The following KIRREL3 variants were observed in gnomAD, a reference collection of about 807,000 sequenced individuals.
The protein encoded by KIRREL3 is kirre like nephrin family adhesion molecule 3, also known as kin of IRRE-like protein 3.
KIRREL3 carries 36 observed loss-of-function variants against 89.7 expected under a neutral mutation model. The ratio of observed to expected loss-of-function variants is 0.40; its 90% CI spans 0.31 to 0.53. KIRREL3 has a LOEUF of 0.53. Ranked by LOEUF, KIRREL3 falls within the 20% of genes least tolerant of loss-of-function variation. The pLI, the probability that KIRREL3 is intolerant of heterozygous loss-of-function variation, is 0.49. For synonymous variants in KIRREL3, 445 were observed against 441.4 expected (o/e 1.01, Z -0.10); for missense variants, 864 against 1,056.6 (o/e 0.82, Z 2.53).
chr11:126,598,112 G>A (rs1470486650), intron 1 of KIRREL3, among the ~76,000 whole-genome samples: 1 of 152,256 alleles, frequency 6.6e-6, no homozygotes, highest in Non-Finnish European at 1.5e-5. Context: ...CTTGGCTCAC[G>A]CCAATGTCTG....
Position 126,687,137 on chromosome 11 carries a change from G to T in KIRREL3, c.56-124225C>A, listed in dbSNP as rs1328122219. 6.6e-6 allele frequency among the ~76,000 whole-genome samples: 1 copy of T among 152,160 alleles called. No homozygotes were observed. The highest frequency in any genetic ancestry group is 1.5e-5 in the Non-Finnish European group (1 of 68,028). On this transcript the variant is annotated intron_variant, in intron 1 of 16. Transcript: ENST00000525144. This position sits in a 1 kb window ranked among gnomAD's most constrained non-coding sequence, Gnocchi z 4.6. Reference sequence around the variant, plus strand: ...CAAGTTCATGAATGGGTGCATCAAAGAACCACACCCCAGAAATAAGCTAAG... The same window carrying T: ...CAAGTTCATGAATGGGTGCATCAAATAACCACACCCCAGAAATAAGCTAAG...
rs1190614457 is a variant in KIRREL3, at chr11:126,516,043, C to T, written c.433+5272G>A. On this transcript the variant is annotated intron_variant, in intron 4 of 16. Transcript: ENST00000525144. This position sits in a 1 kb window ranked among gnomAD's most constrained non-coding sequence, Gnocchi z 4.9. ...GCCAACGCGGTGGGCTGAGGAGGCCCTGCAGCTCTGCTGGTAGAGCTGTGG... is the reference window on the plus strand; with the variant it reads ...GCCAACGCGGTGGGCTGAGGAGGCCTTGCAGCTCTGCTGGTAGAGCTGTGG... Among the ~76,000 whole-genome samples, 1 of 152,154 alleles carries T rather than the reference C, an allele frequency of 6.6e-6. No homozygotes were observed. The highest frequency in any genetic ancestry group is 1.5e-5 in the Non-Finnish European group (1 of 68,040).
rs1944074423 is a variant in KIRREL3 at position 126,844,508 on chromosome 11, G to A, written c.55+155947C>T. On this transcript the variant is annotated intron_variant, in intron 1 of 16. Coordinates refer to ENST00000525144, the MANE Select transcript of KIRREL3 (RefSeq NM_032531.4). This position sits in a 1 kb window ranked among gnomAD's most constrained non-coding sequence, Gnocchi z 4.8. ...GGGTACCCAGATAAAGGATGGGATT[G>A]GGTTAGGGGCCCAACTTAGGGCAGT... 6.6e-6 allele frequency among the ~76,000 whole-genome samples: 1 copy of A among 152,140 alleles called. No individual in the cohort carries two copies. Among genetic ancestry groups the A allele is most frequent in the Non-Finnish European group, 1.5e-5 (1 of 68,022 alleles).
Position 126,424,865 on chromosome 11 carries a change from G to A in KIRREL3, c.2052C>T (p.Gly684=), listed in dbSNP as rs185844421. 17 of 1,613,922 alleles carry A rather than the reference G, an allele frequency of 1.1e-5. No homozygotes were observed. In the Middle Eastern group the frequency reaches 5.0e-4, roughly 47 times the overall value. The change falls in exon 17 of 17, where the codon GGC becomes GGT. Residue 684 remains glycine (G), a synonymous_variant. Transcript: ENST00000525144. The stretch of plus-strand genomic sequence containing the variant: ...GCCCGTAGTCGTAGAGGCGGCCCTG[G>A]CCGCTCAGGGTGCTGTAGATGTTGG... ...SFTNIYSTLS[G]QGRLYDYGQR... is the part of the protein sequence containing the mutation.
chr11:126,901,326 T>C (rs1312136740), intron 1 of KIRREL3, among the ~76,000 whole-genome samples: 1 of 152,318 alleles, frequency 6.6e-6, no homozygotes, highest in East Asian at 1.9e-4. Context: ...TTTTCTTTTC[T>C]GTTGAAGTAT....
At position 126,897,395 on chromosome 11, in the gene KIRREL3, C is replaced by T. The variant is rs1029203439; in HGVS notation, c.55+103060G>A. ...TAGAAAATGGAAAGCCTTCCCCAAG[C>T]GTTCTCTTATTTTGGGGAAAAAAAA... On this transcript the variant is annotated intron_variant, in intron 1 of 16. Coordinates refer to ENST00000525144, the MANE Select transcript of KIRREL3 (RefSeq NM_032531.4). This position sits in a 1 kb window ranked among gnomAD's most constrained non-coding sequence, Gnocchi z 4.2. Among the ~76,000 whole-genome samples the T allele has an allele frequency of 2.8e-4, 43 of 152,202 alleles. No individual in the cohort carries two copies. The highest frequency in any genetic ancestry group is 1.5e-4 in the Non-Finnish European group (10 of 68,026).
chr11:126,757,781 A>G (rs1949550991), intron 1 of KIRREL3, among the ~76,000 whole-genome samples: 1 of 152,238 alleles, frequency 6.6e-6, no homozygotes, highest in South Asian at 2.1e-4. Context: ...CCTGGAAATT[A>G]GCTCATATTC....
At chr11:126,913,575 G>A (rs1237297483) in intron 1 of KIRREL3, among the ~76,000 whole-genome samples, 1 of 152,216 alleles carries the variant, frequency 6.6e-6, no homozygotes, top group Non-Finnish European at 1.5e-5. Flanking sequence ...TGAAGAGGAA[G>A]GAGCTAAGAC....
intron 7 of KIRREL3, among the ~76,000 whole-genome samples, chr11:126,450,372 AGT>A (rs1237850490): frequency 4.8e-5 from 5 of 103,254 alleles, no homozygotes; most frequent in African/African-American, 2.0e-4. Flanking sequence ...TGCATGTGTG[AGT>A]GTGCATGTGT....
chr11:126,668,129 G>T lies in KIRREL3; in HGVS notation c.56-105217C>A, dbSNP rs1262197955. Among the ~76,000 whole-genome samples, 3 of 152,140 alleles carry T rather than the reference G, an allele frequency of 2.0e-5. No homozygotes were observed. The highest frequency in any genetic ancestry group is 7.2e-5 in the African/African-American group (3 of 41,440). On this transcript the variant is annotated intron_variant, in intron 1 of 16. Transcript: ENST00000525144. This position sits in a 1 kb window ranked among gnomAD's most constrained non-coding sequence, Gnocchi z 4.4. ...TAAACTGGGTGGTTTATAAACAACAGAAATTTATTTCTTACAGATCTAGAG... is the reference window on the plus strand; with the variant it reads ...TAAACTGGGTGGTTTATAAACAACATAAATTTATTTCTTACAGATCTAGAG...
In KIRREL3 at chr11:126,643,242, T is replaced by A. The variant is rs893628119; in HGVS notation, c.56-80330A>T. Among the ~76,000 whole-genome samples, 3 of 152,358 alleles carry A rather than the reference T, an allele frequency of 2.0e-5. No individual in the cohort carries two copies. The South Asian group carries it at 6.2e-4, about 32-fold the overall frequency. ...TTAACATGGGAATTAAAGAAGATAA[T>A]GCATATTAAAGTTCTTGGTACATAG... On this transcript the variant is annotated intron_variant, in intron 1 of 16. Coordinates refer to ENST00000525144, the MANE Select transcript of KIRREL3 (RefSeq NM_032531.4). This position sits in a 1 kb window ranked among gnomAD's most constrained non-coding sequence, Gnocchi z 4.5.
rs762245022 is a variant in KIRREL3, at chr11:126,948,700, A to C, written c.55+51755T>G. Reference sequence around the variant, plus strand: ...CCACCTCCTCAGGGAGTCTGCCTTGACTGGATGGAAATACAAGGTGACTGA... The same window carrying C: ...CCACCTCCTCAGGGAGTCTGCCTTGCCTGGATGGAAATACAAGGTGACTGA... On this transcript the variant is annotated intron_variant, in intron 1 of 16. Coordinates refer to ENST00000525144, the MANE Select transcript of KIRREL3 (RefSeq NM_032531.4). The surrounding 1 kb of genome is among the most constrained non-coding windows in gnomAD (Gnocchi z 4.5). 6.6e-6 allele frequency among the ~76,000 whole-genome samples: 1 copy of C among 152,200 alleles called. No individual in the cohort carries two copies. Among genetic ancestry groups the C allele is most frequent in the Non-Finnish European group, 1.5e-5 (1 of 68,032 alleles).
chr11:126,886,448 C>T (rs561259143), intron 1 of KIRREL3, among the ~76,000 whole-genome samples: 37 of 152,234 alleles, frequency 2.4e-4, no homozygotes, highest in Admixed American at 2.4e-3. Flanking sequence ...GGGCTCACTA[C>T]TTCTTGTCTG....
chr11:126,555,572 G>A lies in KIRREL3; in HGVS notation c.133+7263C>T, dbSNP rs1194400853. On this transcript the variant is annotated intron_variant, in intron 2 of 16. Coordinates refer to ENST00000525144, the MANE Select transcript of KIRREL3 (RefSeq NM_032531.4). This position sits in a 1 kb window ranked among gnomAD's most constrained non-coding sequence, Gnocchi z 4.2. ...GGATGGGGTGAGCGTGGCAAGCAGG[G>A]TAGACACAGGGAGCAGGGTAGACAC... 1.3e-5 allele frequency among the ~76,000 whole-genome samples: 2 copies of A among 152,042 alleles called. No homozygotes were observed. The highest frequency in any genetic ancestry group is 2.9e-5 in the Non-Finnish European group (2 of 68,018).
intron 1 of KIRREL3, among the ~76,000 whole-genome samples, chr11:126,855,986 C>T (rs893006772): frequency 6.6e-6 from 1 of 152,190 alleles, no homozygotes; most frequent in African/African-American, 2.4e-5. Context: ...TTGAAAAGGA[C>T]ACTGGAGAGC....
At position 126,719,711 on chromosome 11, in the gene KIRREL3, G is replaced by A. The variant is rs1362181425; in HGVS notation, c.56-156799C>T. Reference sequence around the variant, plus strand: ...CACAACCTTAGAAGTCATCCCTGATGCCTTTCTCTAATACTTTATCTTTCA... The same window carrying A: ...CACAACCTTAGAAGTCATCCCTGATACCTTTCTCTAATACTTTATCTTTCA... On this transcript the variant is annotated intron_variant, in intron 1 of 16. Coordinates refer to ENST00000525144, the MANE Select transcript of KIRREL3 (RefSeq NM_032531.4). The surrounding 1 kb of genome is among the most constrained non-coding windows in gnomAD (Gnocchi z 4.7). 2.0e-5 allele frequency among the ~76,000 whole-genome samples: 3 copies of A among 152,130 alleles called. No individual in the cohort carries two copies. The highest frequency in any genetic ancestry group is 3.9e-4 in the East Asian group (2 of 5,184).
chr11:126,856,614 C>CAT (rs1555061751), intron 1 of KIRREL3, among the ~76,000 whole-genome samples: 10,443 of 89,670 alleles, frequency 0.12, 838 homozygotes, highest in East Asian at 0.52. Flanking sequence ...TACACACAGA[C>CAT]ATATATTTTT....
At chr11:126,881,396 C>T (rs866548968) in intron 1 of KIRREL3, among the ~76,000 whole-genome samples, 1 of 132,738 alleles carries the variant, frequency 7.5e-6, no homozygotes, top group Admixed American at 7.7e-5. Flanking sequence ...CAGACCAGGT[C>T]TCCCAGCCAA....
chr11:126,862,117 C>T (rs138721371), intron 1 of KIRREL3, among the ~76,000 whole-genome samples: 1 of 152,340 alleles, frequency 6.6e-6, no homozygotes, highest in Non-Finnish European at 1.5e-5. Context: ...ATTGAAAAGA[C>T]ATTCAAGAGT....
Sources: gnomAD v4.1 joint callset for allele counts (sites outside exome capture counted in the v4.1 genomes callset) on GRCh38, gnomAD v4.1.1 for gene constraint, Gnocchi (gnomAD v3.1) non-coding constraint, MANE v1.5 for transcripts, NCBI Gene and HGNC (gene_info 2026-07-23, HGNC 2026-07-21) for gene names.